FOXN3: variants seen among roughly 807,000 people sequenced by gnomAD.
FOXN3 encodes the protein forkhead box N3.
FOXN3 carries 7 observed loss-of-function variants against 38.4 expected under a neutral mutation model. The ratio of observed to expected loss-of-function variants is 0.18; its 90% CI spans 0.10 to 0.34. FOXN3 has a LOEUF of 0.34. Among genes scored for constraint, FOXN3 ranks in the 10% least tolerant of loss-of-function variants. The pLI is 1.00. For synonymous variants in FOXN3, 230 were observed against 242.2 expected, an observed-to-expected ratio of 0.95 and a Z score of 0.47; for missense variants, 456 against 613.4, an observed-to-expected ratio of 0.74 and a Z score of 2.71.
intron 1 of FOXN3, among the ~76,000 whole-genome samples, chr14:89,614,515 C>CT (rs1467828070): frequency 1.3e-5 from 2 of 152,180 alleles, no homozygotes; most frequent in Non-Finnish European, 2.9e-5. Flanking sequence ...TTCCTGCTCA[C>CT]TATGAGCACA....
At chr14:89,543,013 G>A (rs541371874) in intron 1 of FOXN3, among the ~76,000 whole-genome samples, 5 of 150,040 alleles carry the variant, frequency 3.3e-5, no homozygotes, top group African/African-American at 9.8e-5. Flanking sequence ...CAATCCTGCC[G>A]GTGAAGTATT....
chr14:89,343,969 C>T (rs1270282359), intron 3 of FOXN3, among the ~76,000 whole-genome samples: 2 of 152,106 alleles, frequency 1.3e-5, no homozygotes, highest in Non-Finnish European at 2.9e-5. Flanking sequence ...ACCACGTTGG[C>T]CAGGCTGGTC....
At chr14:89,413,929 C>T (rs997352349) in intron 1 of FOXN3, among the ~76,000 whole-genome samples, 3 of 54,386 alleles carry the variant, frequency 5.5e-5, no homozygotes, top group African/African-American at 1.5e-4. Flanking sequence ...GAGGAAGAAG[C>T]GGGAGGGGGA....
intron 2 of FOXN3, among the ~76,000 whole-genome samples, chr14:89,363,959 T>TATATATATATATATATATATA (rs1890004885): frequency 4.7e-4 from 5 of 10,688 alleles, no homozygotes; most frequent in African/African-American, 1.0e-3. Flanking sequence ...TATATATATA[T>TATATATATATATATATATATA]ATATATATAT....
intron 4 of FOXN3, among the ~76,000 whole-genome samples, chr14:89,246,344 G>T (rs962033127): frequency 3.9e-5 from 6 of 151,910 alleles, no homozygotes; most frequent in Admixed American, 1.3e-4. Context: ...ATTTCCTCCA[G>T]GCCTGGGAAG....
intron 4 of FOXN3, among the ~76,000 whole-genome samples, chr14:89,268,753 A>G (rs1197746322): frequency 6.6e-6 from 1 of 152,124 alleles, no homozygotes; most frequent in Non-Finnish European, 1.5e-5. Context: ...ACCAGTCACT[A>G]AGGCCAGGGA....
At chr14:89,389,848 G>A (rs1242898839) in intron 2 of FOXN3, among the ~76,000 whole-genome samples, 2 of 152,052 alleles carry the variant, frequency 1.3e-5, no homozygotes, top group African/African-American at 4.8e-5. Context: ...CAGAGGGCTG[G>A]ACTCAAGGAA....
At position 89,222,167 on chromosome 14, in the gene FOXN3, G is replaced by A. The variant is rs376754168; in HGVS notation, c.746-41361C>T. The stretch of plus-strand genomic sequence containing the variant: ...TTGTCACCGTGGAAACCCATCACTG[G>A]CCATTGCTGTGGCACACAGAGCTCT... On this transcript the variant is annotated intron_variant, in intron 4 of 5. Transcript: ENST00000557258. 2.8e-4 allele frequency among the ~76,000 whole-genome samples: 42 copies of A among 152,280 alleles called. 1 individual carries two copies. In the South Asian group the frequency reaches 8.1e-3, roughly 29 times the overall value.
rs915989065 is a variant in FOXN3, at chr14:89,347,758, C to T, written c.680+2914G>A. On this transcript the variant is annotated intron_variant, in intron 3 of 5. Coordinates refer to ENST00000557258, the MANE Select transcript of FOXN3 (RefSeq NM_005197.4). ...CATGAGTTCAAGAGATTGAGACCAG[C>T]CTGGCCAACAAGGTAAAACCCCATC... Among the ~76,000 whole-genome samples the T allele has an allele frequency of 4.6e-5, 7 of 152,236 alleles. No individual in the cohort carries two copies. The South Asian group carries it at 1.5e-3, about 32-fold the overall frequency.
intron 4 of FOXN3, among the ~76,000 whole-genome samples, chr14:89,206,875 G>A (rs530637071): frequency 1.9e-3 from 289 of 152,144 alleles, no homozygotes; most frequent in Admixed American, 3.0e-3. Context: ...GTGCCTGGGA[G>A]CCTTCAGACT....
intron 1 of FOXN3, among the ~76,000 whole-genome samples, chr14:89,557,776 C>G (rs1449579173): frequency 6.6e-6 from 1 of 152,126 alleles, no homozygotes; most frequent in African/African-American, 2.4e-5. Flanking sequence ...GAGGCTGAGG[C>G]GGGTAGATCA....
chr14:89,458,176 C>T (rs7152796), intron 1 of FOXN3, among the ~76,000 whole-genome samples: 15,684 of 152,034 alleles, frequency 0.1, 1,152 homozygotes, highest in African/African-American at 0.2. Flanking sequence ...GGAAGAGTGG[C>T]TCCCAGCACT....
chr14:89,363,955 TA>T (rs1889996141), intron 2 of FOXN3, among the ~76,000 whole-genome samples: 2 of 5,430 alleles, frequency 3.7e-4, no homozygotes, highest in African/African-American at 2.1e-4. Context: ...AAAATATATA[TA>T]TATATATATA....
intron 4 of FOXN3, among the ~76,000 whole-genome samples, chr14:89,273,539 AG>A (rs543253025): frequency 1.3e-5 from 2 of 152,368 alleles, no homozygotes; most frequent in Non-Finnish European, 2.9e-5. Context: ...CTGGGGAAGA[AG>A]GGGGGTAACT....
intron 3 of FOXN3, among the ~76,000 whole-genome samples, chr14:89,288,693 T>G (rs1488094673): frequency 4.2e-4 from 44 of 104,698 alleles, no homozygotes; most frequent in African/African-American, 1.4e-3. Flanking sequence ...TCTCTCTCTC[T>G]CTCTCTCTCT....
chr14:89,390,313 C>CTA (rs56143578), intron 2 of FOXN3, among the ~76,000 whole-genome samples: 33,498 of 143,316 alleles, frequency 0.23, 4,172 homozygotes, highest in Admixed American at 0.29. Context: ...CTCTCTCTCT[C>CTA]TATATATATA....
intron 1 of FOXN3, among the ~76,000 whole-genome samples, chr14:89,413,347 G>A (rs944324516): frequency 8.6e-5 from 13 of 151,990 alleles, no homozygotes; most frequent in Admixed American, 6.6e-4. Flanking sequence ...GAAAACAAAT[G>A]AACAGGCTGG....
intron 1 of FOXN3, among the ~76,000 whole-genome samples, chr14:89,443,901 C>T (rs4904580): frequency 0.33 from 49,533 of 150,272 alleles, 8,407 homozygotes; most frequent in East Asian, 0.57. Context: ...CCCAGCTACT[C>T]AGGAGGCTGA....
At chr14:89,301,596 C>T (rs1450683462) in intron 3 of FOXN3, among the ~76,000 whole-genome samples, 1 of 151,814 alleles carries the variant, frequency 6.6e-6, no homozygotes, top group African/African-American at 2.4e-5. Flanking sequence ...GGTGAAAGCC[C>T]GTCTCTACTA....
Sources: allele counts gnomAD v4.1 joint callset (sites outside exome capture counted in the v4.1 genomes callset), GRCh38; gene constraint gnomAD v4.1.1; transcripts MANE v1.5; gene names NCBI Gene and HGNC (gene_info 2026-07-23, HGNC 2026-07-21).